Variants in CFAP54 observed in about 807,000 individuals in gnomAD.
CFAP54 encodes the protein cilia- and flagella-associated protein 54.
In CFAP54, 290 loss-of-function variants were observed where a neutral mutation model predicts 370.4. That is an observed-to-expected ratio of 0.78 (90% CI 0.71 to 0.86). CFAP54 has a LOEUF of 0.86. CFAP54 is among the 40% of genes least tolerant of loss of function. The probability of loss-of-function intolerance (pLI) is 0.00; values close to 1 mark genes in which losing one functional copy is unlikely to be tolerated. For synonymous variants in CFAP54, 1,206 were observed against 1,236.5 expected, an observed-to-expected ratio of 0.98 and a Z score of 0.52; for missense variants, 3,399 against 3,528.7, an observed-to-expected ratio of 0.96 and a Z score of 0.93.
rs74553589 is a variant in CFAP54, at chr12:96,846,705, T to C, written c.9172-14114T>C. The stretch of plus-strand genomic sequence containing the variant: ...GTGATACTGTCAACTCTATCACTTT[T>C]CATCAAGTGGTGCCTTGGCTGAGCC... On this transcript the variant is annotated intron_variant, in intron 66 of 67. Transcript: ENST00000524981. 4.6e-3 allele frequency among the ~76,000 whole-genome samples: 701 copies of C among 152,324 alleles called. 4 individuals are homozygous for C. The highest frequency in any genetic ancestry group is 0.016 in the African/African-American group (670 of 41,558).
chr12:96,695,562 C>G (rs977633748), intron 45 of CFAP54, among the ~76,000 whole-genome samples: 1 of 152,194 alleles, frequency 6.6e-6, no homozygotes, highest in African/African-American at 2.4e-5. Flanking sequence ...CTCCATGTAA[C>G]TTTTCTCTCT....
chr12:96,758,740 G>A (rs1315107008), intron 58 of CFAP54, among the ~76,000 whole-genome samples: 1 of 152,204 alleles, frequency 6.6e-6, no homozygotes, highest in Non-Finnish European at 1.5e-5. Flanking sequence ...GTCGCATCTT[G>A]TAGCTAGAGC....
chr12:96,749,998 C>T (rs1348948570), intron 55 of CFAP54, among the ~76,000 whole-genome samples: 1 of 152,148 alleles, frequency 6.6e-6, no homozygotes, highest in African/African-American at 2.4e-5. Context: ...CTGTGAAGCA[C>T]CAGGAGAAGC....
chr12:96,548,006 G>C (rs1592845085), intron 15 of CFAP54, 28 bp downstream of exon 15: 1 of 999,214 alleles, frequency 1.0e-6, no homozygotes, highest in African/African-American at 1.7e-5. Flanking sequence ...GAAAATTTAG[G>C]TGAAACATGC....
chr12:96,568,311 A>T (rs1488991059), intron 19 of CFAP54, among the ~76,000 whole-genome samples: 1 of 152,124 alleles, frequency 6.6e-6, no homozygotes, highest in Non-Finnish European at 1.5e-5. Context: ...AATTATGAGT[A>T]TAATGTCCTA....
At chr12:96,733,141 C>T (rs930618149) in intron 50 of CFAP54, among the ~76,000 whole-genome samples, 1 of 152,178 alleles carries the variant, frequency 6.6e-6, no homozygotes, top group Non-Finnish European at 1.5e-5. Flanking sequence ...TTTAAATACA[C>T]GAACCTGGCC....
chr12:96,647,434 C>T lies in CFAP54; in HGVS notation c.4548-441C>T, dbSNP rs560911135. On this transcript the variant is annotated intron_variant, in intron 33 of 67. Coordinates refer to ENST00000524981, the MANE Select transcript of CFAP54 (RefSeq NM_001306084.2). ...CTTGCAGTGAGCCGATATCGCGCCACTGCACTCCAGTCTGGGCGACAGAGC... is the reference window on the plus strand; with the variant it reads ...CTTGCAGTGAGCCGATATCGCGCCATTGCACTCCAGTCTGGGCGACAGAGC... Among the ~76,000 whole-genome samples, 257 of 126,608 alleles carry T rather than the reference C, an allele frequency of 2.0e-3. 3 individuals are homozygous for T. The highest frequency in any genetic ancestry group is 2.8e-3 in the Non-Finnish European group (176 of 63,598). The allele number at this position is 126,608 out of a possible 152,430, so 83.1% of individuals were successfully genotyped here.
At chr12:96,538,740 G>C (rs569942463) in intron 13 of CFAP54, 1 of 490,050 alleles carries the variant, frequency 2.0e-6, no homozygotes, top group Admixed American at 3.7e-5. Flanking sequence ...TGTGAGGAGC[G>C]AAGAGGTGTT....
intron 20 of CFAP54, among the ~76,000 whole-genome samples, chr12:96,579,913 T>G (rs1276048099): frequency 6.6e-6 from 1 of 151,816 alleles, no homozygotes; most frequent in Non-Finnish European, 1.5e-5. Flanking sequence ...ATAAAAATTA[T>G]CAAAGTAATA....
At chr12:96,693,151 G>A (rs950879188) in intron 44 of CFAP54, among the ~76,000 whole-genome samples, 22 of 152,294 alleles carry the variant, frequency 1.4e-4, no homozygotes, top group African/African-American at 4.8e-4. Flanking sequence ...TAGAATATAC[G>A]CTATGTGAAG....
intron 66 of CFAP54, among the ~76,000 whole-genome samples, chr12:96,843,091 G>A (rs1325735198): frequency 6.6e-6 from 1 of 152,164 alleles, no homozygotes; most frequent in Non-Finnish European, 1.5e-5. Context: ...TGCTAACAAA[G>A]CCTGTCATGC....
chr12:96,645,067 G>A (rs1416007725), intron 33 of CFAP54: 2 of 438,916 alleles, frequency 4.6e-6, no homozygotes, highest in Admixed American at 2.5e-5. Flanking sequence ...GTAGATATTA[G>A]TAGGCATTAG....
Position 96,855,082 on chromosome 12 carries a change from T to A in CFAP54, c.9172-5737T>A, listed in dbSNP as rs1370631123. On this transcript the variant is annotated intron_variant, in intron 66 of 67. Coordinates refer to ENST00000524981, the MANE Select transcript of CFAP54 (RefSeq NM_001306084.2). Reference sequence around the variant, plus strand: ...TTCACATGGGGGCAGCAAGGAGAAGTGTGCAGTGAAGTTGGGGAAAAGGCC... The same window carrying A: ...TTCACATGGGGGCAGCAAGGAGAAGAGTGCAGTGAAGTTGGGGAAAAGGCC... 2.0e-5 allele frequency among the ~76,000 whole-genome samples: 3 copies of A among 152,076 alleles called. 1 individual carries two copies. The highest frequency in any genetic ancestry group is 4.4e-5 in the Non-Finnish European group (3 of 68,006).
chr12:96,520,360 A>G (rs1024701212), intron 6 of CFAP54, among the ~76,000 whole-genome samples: 7 of 152,126 alleles, frequency 4.6e-5, no homozygotes, highest in Admixed American at 3.3e-4. Context: ...CTTGACCAAC[A>G]TGGTGAAACC....
chr12:96,724,518 G>T (rs1187717875), intron 50 of CFAP54, among the ~76,000 whole-genome samples: 1 of 152,066 alleles, frequency 6.6e-6, no homozygotes, highest in African/African-American at 2.4e-5. Context: ...TTTTTGATGG[G>T]GTTGTTTGTT....
chr12:96,822,910 C>A (rs1214580349), intron 65 of CFAP54, among the ~76,000 whole-genome samples: 1 of 147,948 alleles, frequency 6.8e-6, no homozygotes, highest in African/African-American at 2.5e-5. Flanking sequence ...TGTTTCTTTT[C>A]TCCTTCCCAG....
chr12:96,625,799 T>C lies in CFAP54; in HGVS notation c.3968T>C (p.Val1323Ala), dbSNP rs999605851. The C allele has an allele frequency of 3.3e-6, 5 of 1,534,350 alleles. No homozygotes were observed. Among genetic ancestry groups the C allele is most frequent in the African/African-American group, 1.4e-5 (1 of 72,990 alleles). ...TTGAATTGGTCGGTCAAAGGTGCCG[T>C]GAAAGAAGGTAGGTGAACTGGATGT... ...VVLNWSVKGAVKEVMKFKQKP... is the reference protein window; with the variant it reads ...VVLNWSVKGAAKEVMKFKQKP... The change falls in exon 29 of 68, where the codon GTG becomes GCG. Residue 1323 changes from valine to alanine, a missense_variant. Physicochemically the swap from Val to Ala is moderately conservative, Grantham distance 64. Coordinates refer to ENST00000524981, the MANE Select transcript of CFAP54 (RefSeq NM_001306084.2).
intron 4 of CFAP54, among the ~76,000 whole-genome samples, chr12:96,510,321 GT>G (rs1377609182): frequency 6.6e-6 from 1 of 151,578 alleles, no homozygotes; most frequent in Non-Finnish European, 1.5e-5. Context: ...TAAAGATTCA[GT>G]CTGTGTTCCA....
At chr12:96,500,538 G>A (rs1283382261) in intron 1 of CFAP54, among the ~76,000 whole-genome samples, 1 of 152,030 alleles carries the variant, frequency 6.6e-6, no homozygotes, top group East Asian at 1.9e-4. Flanking sequence ...GCATGTTTGG[G>A]GGCACAGGGT....
Sources: gnomAD v4.1 joint callset for allele counts (sites outside exome capture counted in the v4.1 genomes callset) on GRCh38, gnomAD v4.1.1 for gene constraint, MANE v1.5 for transcripts, NCBI Gene and HGNC (gene_info 2026-07-23, HGNC 2026-07-21) for gene names.